The following ANO10 variants were observed in gnomAD, a reference collection of about 807,000 sequenced individuals.
ANO10 encodes anoctamin-10.
In ANO10, 77 loss-of-function variants were observed where a neutral mutation model predicts 74.7. The observed-to-expected ratio is 1.03, with a 90% CI of 0.86 to 1.25. The LOEUF (loss-of-function observed/expected upper bound fraction) is 1.25. Ranked by LOEUF, ANO10 falls within the 50% of genes most tolerant of loss-of-function variation. ANO10 has a pLI of 0.00. For missense variants in ANO10, 721 were observed against 778.1 expected, an observed-to-expected ratio of 0.93 and a Z score of 0.87; for synonymous variants, 279 against 284.9, an observed-to-expected ratio of 0.98 and a Z score of 0.21.
chr3:43,655,053 CTT>C (rs929248749), intron 1 of ANO10, among the ~76,000 whole-genome samples: 1 of 152,210 alleles, frequency 6.6e-6, no homozygotes, highest in African/African-American at 2.4e-5. Context: ...GTAATACTCT[CTT>C]TAAATCAGAA....
intron 11 of ANO10, among the ~76,000 whole-genome samples, chr3:43,490,627 C>T (rs557975550): frequency 4.4e-4 from 67 of 152,230 alleles, no homozygotes; most frequent in African/African-American, 1.6e-3. Context: ...TCTAAAAAGC[C>T]GGAACACACT....
chr3:43,403,213 C>CT (rs1350468397), intron 12 of ANO10, among the ~76,000 whole-genome samples: 1 of 152,232 alleles, frequency 6.6e-6, no homozygotes, highest in Non-Finnish European at 1.5e-5. Flanking sequence ...AGAGGCACCC[C>CT]TGGGAACTGC....
chr3:43,552,945 A>G (rs1473946124), intron 10 of ANO10, among the ~76,000 whole-genome samples: 1 of 151,554 alleles, frequency 6.6e-6, no homozygotes, highest in Non-Finnish European at 1.5e-5. Context: ...GGGCACCCAC[A>G]ACCACACCCA....
intron 12 of ANO10, among the ~76,000 whole-genome samples, chr3:43,369,883 A>G (rs2091546827): frequency 6.6e-6 from 1 of 152,212 alleles, no homozygotes; most frequent in Non-Finnish European, 1.5e-5. Context: ...AGTGGCTGAC[A>G]TTCACACCTT....
At chr3:43,520,791 A>C (rs2077919374) in intron 11 of ANO10, among the ~76,000 whole-genome samples, 1 of 152,166 alleles carries the variant, frequency 6.6e-6, no homozygotes, top group Non-Finnish European at 1.5e-5. Flanking sequence ...TATAGGATCA[A>C]CTTGTAATTT....
chr3:43,418,194 CTG>C (rs1348995318), intron 12 of ANO10, among the ~76,000 whole-genome samples: 1 of 152,194 alleles, frequency 6.6e-6, no homozygotes, highest in African/African-American at 2.4e-5. Context: ...GGGGAATCGT[CTG>C]AAACTGGGAG....
intron 12 of ANO10, among the ~76,000 whole-genome samples, chr3:43,410,569 A>G (rs997025768): frequency 9.2e-5 from 14 of 152,192 alleles, no homozygotes; most frequent in African/African-American, 3.1e-4. Flanking sequence ...ATGACTACAA[A>G]ATTATGAGTT....
intron 9 of ANO10, among the ~76,000 whole-genome samples, chr3:43,555,722 A>G (rs1007254895): frequency 1.4e-4 from 22 of 152,112 alleles, no homozygotes; most frequent in Non-Finnish European, 2.4e-4. Flanking sequence ...AATATTTTCA[A>G]ATTAATAAAC....
intron 1 of ANO10, among the ~76,000 whole-genome samples, chr3:43,646,595 A>C (rs1030764705): frequency 6.6e-6 from 1 of 152,094 alleles, no homozygotes; most frequent in Admixed American, 6.6e-5. Context: ...GCAGTGGTGC[A>C]ATCCTGACTC....
chr3:43,561,529 G>A (rs963152082), intron 8 of ANO10, 127 bp from the exon 9 acceptor site: 3 of 887,540 alleles, frequency 3.4e-6, no homozygotes, highest in South Asian at 3.4e-5. Context: ...CAAATAAAAT[G>A]GAATCTTCAA....
At chr3:43,573,045 G>C (rs77518493) in intron 7 of ANO10, among the ~76,000 whole-genome samples, 2,695 of 151,612 alleles carry the variant, frequency 0.018, 74 homozygotes, top group African/African-American at 0.06. Flanking sequence ...GGCATCATCA[G>C]AGAATAATAA....
At chr3:43,449,825 C>G (rs546094028) in intron 11 of ANO10, among the ~76,000 whole-genome samples, 2 of 152,144 alleles carry the variant, frequency 1.3e-5, no homozygotes, top group Non-Finnish European at 2.9e-5. Flanking sequence ...CATAAAATAA[C>G]TTGCTTGGAT....
At chr3:43,513,745 T>G (rs2077601075) in intron 11 of ANO10, among the ~76,000 whole-genome samples, 3 of 152,138 alleles carry the variant, frequency 2.0e-5, no homozygotes, top group Non-Finnish European at 4.4e-5. Flanking sequence ...CTCCTGACCT[T>G]GTGATCCGCC....
chr3:43,565,534 CA>C, intron 8 of ANO10, 118 bp downstream of exon 8: 1 of 893,902 alleles, frequency 1.1e-6, no homozygotes, highest in Non-Finnish European at 1.7e-6. Flanking sequence ...GGCTTAAAAA[CA>C]TACAAAATTT....
In ANO10 at chr3:43,375,053, G is replaced by A. The variant is rs558340493; in HGVS notation, c.1915-8079C>T. ...GGAGAACCACATGAACCCGGGAGGC[G>A]GAGGGTGCAGTGAGCCGAGATTGCG... On this transcript the variant is annotated intron_variant, in intron 12 of 12. Coordinates refer to ENST00000292246, the MANE Select transcript of ANO10 (RefSeq NM_018075.5). Among the ~76,000 whole-genome samples, 5 of 152,122 alleles carry A rather than the reference G, an allele frequency of 3.3e-5. No individual in the cohort carries two copies. In the South Asian group the frequency reaches 6.2e-4, roughly 19 times the overall value.
intron 1 of ANO10, among the ~76,000 whole-genome samples, chr3:43,679,637 GCCT>G (rs1345793539): frequency 6.6e-6 from 1 of 152,316 alleles, no homozygotes; most frequent in South Asian, 2.1e-4. Context: ...CGGACAGACT[GCCT>G]CCTCAAGTGG....
intron 11 of ANO10, among the ~76,000 whole-genome samples, chr3:43,505,717 G>A (rs376143194): frequency 2.6e-5 from 4 of 152,190 alleles, no homozygotes; most frequent in African/African-American, 9.7e-5. Context: ...AAAACTGTCA[G>A]CCAGTGGGTT....
chr3:43,577,413 G>A lies in ANO10; in HGVS notation c.593-152C>T, dbSNP rs180857225. ...TGGTGGTAAATCTACCCTCCATGCAGTATAAAGACCCTGCTTGTCTGCATG... is the reference window on the plus strand; with the variant it reads ...TGGTGGTAAATCTACCCTCCATGCAATATAAAGACCCTGCTTGTCTGCATG... On this transcript the variant is annotated intron_variant, in intron 5 of 12. Transcript: ENST00000292246. The A allele has an allele frequency of 2.9e-4, 231 of 793,994 alleles. 1 individual carries two copies. The African/African-American group carries it at 3.5e-3, about 12-fold the overall frequency. The allele number at this position is 793,994 out of a possible 1,614,324, so 49.2% of individuals were successfully genotyped here.
chr3:43,429,056 AAGTG>A (rs2092942273), intron 12 of ANO10, among the ~76,000 whole-genome samples: 6 of 152,142 alleles, frequency 3.9e-5, no homozygotes, highest in Non-Finnish European at 8.8e-5. Flanking sequence ...CTGTCAGGTA[AAGTG>A]TACCTGAAGA....
Sources: gnomAD v4.1 joint callset for allele counts (sites outside exome capture counted in the v4.1 genomes callset) on GRCh38, gnomAD v4.1.1 for gene constraint, MANE v1.5 for transcripts, NCBI Gene and HGNC (gene_info 2026-07-23, HGNC 2026-07-21) for gene names.